DLG2: variants seen among roughly 807,000 people sequenced by gnomAD.
DLG2 encodes the protein discs large MAGUK scaffold protein 2.
DLG2 carries 45 observed loss-of-function variants against 132.5 expected under a neutral mutation model. The observed-to-expected ratio is 0.34, with a 90% CI of 0.27 to 0.44. DLG2 has a LOEUF of 0.44. DLG2 is among the 20% of genes least tolerant of loss of function. The probability of loss-of-function intolerance (pLI) is 1.00; values close to 1 mark genes in which losing one functional copy is unlikely to be tolerated. For synonymous variants in DLG2, 424 were observed against 419.6 expected, an observed-to-expected ratio of 1.01 and a Z score of -0.13; for missense variants, 1,045 against 1,196.9, an observed-to-expected ratio of 0.87 and a Z score of 1.87.
At chr11:84,814,483 C>T (rs1463778921) in intron 6 of DLG2, among the ~76,000 whole-genome samples, 1 of 152,018 alleles carries the variant, frequency 6.6e-6, no homozygotes, top group Non-Finnish European at 1.5e-5. Flanking sequence ...CTCCCCACTG[C>T]CTTTCTAACA....
chr11:84,134,866 CAG>C (rs1471804097), intron 9 of DLG2, among the ~76,000 whole-genome samples: 2 of 151,842 alleles, frequency 1.3e-5, no homozygotes, highest in Non-Finnish European at 2.9e-5. Flanking sequence ...GCCTGAAGTC[CAG>C]CCAATATAGG....
Position 83,459,625 on chromosome 11 carries a change from C to T in DLG2, c.*193G>A. 2.0e-6 allele frequency: 1 copy of T among 499,188 alleles called. No homozygotes were observed. The allele number at this position is 499,188 out of a possible 1,614,324, so 30.9% of individuals were successfully genotyped here. ...AAAGCCTTCCTTCATACTGCAATGTCTTTTCTGTCCCACCCTTTGGCCCCT... is the reference window on the plus strand; with the variant it reads ...AAAGCCTTCCTTCATACTGCAATGTTTTTTCTGTCCCACCCTTTGGCCCCT... On this transcript the variant is annotated 3_prime_UTR_variant, in exon 28 of 28. Transcript: ENST00000376104.
chr11:84,483,273 A>G (rs182774437), intron 7 of DLG2, among the ~76,000 whole-genome samples: 2 of 152,020 alleles, frequency 1.3e-5, no homozygotes, highest in African/African-American at 4.8e-5. Flanking sequence ...TCTCTACAAA[A>G]ATACAAAAAT....
chr11:84,710,785 T>C (rs2060293325), intron 6 of DLG2, among the ~76,000 whole-genome samples: 1 of 151,396 alleles, frequency 6.6e-6, no homozygotes, highest in Non-Finnish European at 1.5e-5. Context: ...TTATGTATTT[T>C]ATATTAGGAA....
intron 17 of DLG2, among the ~76,000 whole-genome samples, chr11:83,824,688 C>A (rs1280125444): frequency 6.6e-6 from 1 of 152,110 alleles, no homozygotes; most frequent in Non-Finnish European, 1.5e-5. Flanking sequence ...GAATTATGAA[C>A]CTTTTTTATG....
chr11:85,059,281 G>C (rs1334504160), intron 6 of DLG2, among the ~76,000 whole-genome samples: 1 of 151,186 alleles, frequency 6.6e-6, no homozygotes, highest in East Asian at 1.9e-4. Flanking sequence ...AAAAAAAAAT[G>C]TAGAGCAGCT....
At chr11:85,511,095 C>A (rs2094055815) in intron 3 of DLG2, among the ~76,000 whole-genome samples, 1 of 151,968 alleles carries the variant, frequency 6.6e-6, no homozygotes. Context: ...AGCTGGAAAC[C>A]ATCATTCTCA....
Position 83,665,938 on chromosome 11 carries a change from T to C in DLG2, c.1826-32613A>G, listed in dbSNP as rs1464021160. On this transcript the variant is annotated intron_variant, in intron 18 of 27. Coordinates refer to ENST00000376104, the MANE Select transcript of DLG2 (RefSeq NM_001142699.3). ...GAATTGGAAGATAAATAAAGGACTA[T>C]CACATTCCACGGGAATTTTTCTCAG... 3.3e-5 allele frequency among the ~76,000 whole-genome samples: 5 copies of C among 152,092 alleles called. No individual in the cohort carries two copies. The South Asian group carries it at 1.0e-3, about 32-fold the overall frequency.
At chr11:85,524,438 A>T (rs892876286) in intron 3 of DLG2, among the ~76,000 whole-genome samples, 1 of 152,188 alleles carries the variant, frequency 6.6e-6, no homozygotes, top group African/African-American at 2.4e-5. Flanking sequence ...AAAATTAAAC[A>T]ATTTTAAACA....
At chr11:84,695,415 T>C (rs1021447696) in intron 6 of DLG2, among the ~76,000 whole-genome samples, 3 of 151,706 alleles carry the variant, frequency 2.0e-5, no homozygotes, top group African/African-American at 7.2e-5. Context: ...CACTCAACTT[T>C]GGGAATACCA....
At chr11:84,569,113 G>C (rs1008521495) in intron 6 of DLG2, among the ~76,000 whole-genome samples, 1 of 152,232 alleles carries the variant, frequency 6.6e-6, no homozygotes, top group East Asian at 1.9e-4. Context: ...ACAGAGTTCA[G>C]CCAGCAGCCC....
intron 5 of DLG2, among the ~76,000 whole-genome samples, chr11:85,117,587 A>G (rs534552887): frequency 2.7e-5 from 4 of 149,246 alleles, no homozygotes; most frequent in Non-Finnish European, 5.9e-5. Flanking sequence ...AAGGATCAAT[A>G]ACCAACTAGT....
At chr11:83,726,333 C>G (rs2089992821) in intron 18 of DLG2, among the ~76,000 whole-genome samples, 1 of 152,134 alleles carries the variant, frequency 6.6e-6, no homozygotes, top group African/African-American at 2.4e-5. Flanking sequence ...TAGGTTAAAT[C>G]ATAAAACTAA....
At chr11:84,276,156 T>C (rs766420541) in intron 7 of DLG2, among the ~76,000 whole-genome samples, 18 of 152,208 alleles carry the variant, frequency 1.2e-4, no homozygotes, top group Non-Finnish European at 2.2e-4. Flanking sequence ...CACAGATAAT[T>C]CATGTTCATA....
At chr11:84,503,418 AG>A (rs1403271730) in intron 7 of DLG2, among the ~76,000 whole-genome samples, 3 of 152,176 alleles carry the variant, frequency 2.0e-5, no homozygotes, top group Non-Finnish European at 4.4e-5. Context: ...GATGATTTGA[AG>A]CAGGTGAATT....
intron 2 of DLG2, among the ~76,000 whole-genome samples, chr11:85,601,142 A>G (rs1452553525): frequency 6.6e-6 from 1 of 152,156 alleles, no homozygotes; most frequent in African/African-American, 2.4e-5. Flanking sequence ...TTGAGTATTT[A>G]TTACTTTTTA....
intron 3 of DLG2, among the ~76,000 whole-genome samples, chr11:85,556,071 A>G (rs561568973): frequency 2.0e-5 from 3 of 151,538 alleles, no homozygotes; most frequent in Non-Finnish European, 3.0e-5. Flanking sequence ...CTGAGCATGG[A>G]AGGGAAGCTT....
chr11:85,334,262 G>T (rs1175912254), intron 3 of DLG2, among the ~76,000 whole-genome samples: 1 of 151,940 alleles, frequency 6.6e-6, no homozygotes, highest in African/African-American at 2.4e-5. Context: ...GTATTCCTTT[G>T]GGGTCAGTAG....
intron 5 of DLG2, among the ~76,000 whole-genome samples, chr11:85,133,498 T>C (rs2075899367): frequency 6.6e-6 from 1 of 152,124 alleles, no homozygotes; most frequent in African/African-American, 2.4e-5. Flanking sequence ...AACAGCTGGA[T>C]AAGGAAAATC....
Sources: gnomAD v4.1 joint callset for allele counts (sites outside exome capture counted in the v4.1 genomes callset) on GRCh38, gnomAD v4.1.1 for gene constraint, MANE v1.5 for transcripts, NCBI Gene and HGNC (gene_info 2026-07-23, HGNC 2026-07-21) for gene names.